The following MARCHF3 variants were observed in gnomAD, a reference collection of about 807,000 sequenced individuals.
MARCHF3 encodes the protein membrane associated ring-CH-type finger 3, also known as E3 ubiquitin-protein ligase MARCHF3.
Under a neutral mutation model 24.2 loss-of-function variants are expected in MARCHF3, and 13 were observed. The ratio of observed to expected loss-of-function variants is 0.54; its 90% CI spans 0.35 to 0.85. The LOEUF is 0.85. Ranked by LOEUF, MARCHF3 falls within the 40% of genes least tolerant of loss-of-function variation. The probability of loss-of-function intolerance (pLI) is 0.01; values close to 1 mark genes in which losing one functional copy is unlikely to be tolerated. For missense variants in MARCHF3, 276 were observed against 325.0 expected, an observed-to-expected ratio of 0.85 and a Z score of 1.16; for synonymous variants, 144 against 137.3, an observed-to-expected ratio of 1.05 and a Z score of -0.34.
intron 1 of MARCHF3, among the ~76,000 whole-genome samples, chr5:126,991,275 A>C (rs990125745): frequency 2.0e-5 from 3 of 152,186 alleles, no homozygotes; most frequent in Non-Finnish European, 4.4e-5. Context: ...GGAAACCATC[A>C]TTCTCAGCAA....
At chr5:126,944,248 T>C (rs1320539190) in intron 1 of MARCHF3, among the ~76,000 whole-genome samples, 1 of 152,188 alleles carries the variant, frequency 6.6e-6, no homozygotes, top group Non-Finnish European at 1.5e-5. Context: ...GTCTGTACAG[T>C]ATTCACACTT....
At chr5:127,029,855 G>C (rs994262338) in intron 1 of MARCHF3, 1 of 152,260 alleles carries the variant, frequency 6.6e-6, no homozygotes, top group Non-Finnish European at 1.5e-5. Context: ...CCTCTCAGTA[G>C]CTGCAGAGCA....
intron 3 of MARCHF3, among the ~76,000 whole-genome samples, chr5:126,886,404 G>A (rs1298869112): frequency 6.6e-6 from 1 of 152,120 alleles, no homozygotes; most frequent in East Asian, 1.9e-4. Context: ...CGGAGGCAGG[G>A]GACAGGACAC....
intron 1 of MARCHF3, among the ~76,000 whole-genome samples, chr5:127,025,526 C>A (rs1752965576): frequency 6.6e-6 from 1 of 152,132 alleles, no homozygotes; most frequent in Admixed American, 6.5e-5. Flanking sequence ...CCACCCCACC[C>A]CTGACCCTTC....
intron 1 of MARCHF3, among the ~76,000 whole-genome samples, chr5:127,011,607 T>C (rs1752476175): frequency 6.6e-6 from 1 of 152,200 alleles, no homozygotes; most frequent in African/African-American, 2.4e-5. Context: ...ATCTTCCTCA[T>C]GTTGCCTGGA....
In MARCHF3 at chr5:126,878,212, G is replaced by T; in HGVS notation, c.576C>A (p.Leu192=). 6.2e-7 allele frequency: 1 copy of T among 1,614,248 alleles called. No homozygotes were observed. Among genetic ancestry groups the T allele is most frequent in the South Asian group, 1.1e-5 (1 of 91,088 alleles). The part of the protein sequence containing the change: ...AVGLIALTVA[L]FTIYLFWTLV... ...GTGTCCAAAAGAGGTAAATAGTGAA[G>T]AGTGCGACAGTGAGTGCAATCAGTC... The change falls in exon 4 of 5, where the codon CTC becomes CTA. Residue 192 remains leucine (L), a synonymous_variant. Transcript: ENST00000308660.
At chr5:126,994,065 C>T (rs565391021) in intron 1 of MARCHF3, among the ~76,000 whole-genome samples, 5 of 152,254 alleles carry the variant, frequency 3.3e-5, no homozygotes, top group East Asian at 1.9e-4. Context: ...AAATGGTATA[C>T]GCATGCTTAT....
chr5:127,003,270 G>C (rs1374504098), intron 1 of MARCHF3, among the ~76,000 whole-genome samples: 1 of 151,750 alleles, frequency 6.6e-6, no homozygotes, highest in Non-Finnish European at 1.5e-5. Context: ...ACGAGGTCAG[G>C]AGATCAAGAC....
chr5:126,868,393 C>T lies in MARCHF3; in HGVS notation c.*2240G>A, dbSNP rs972593115. On this transcript the variant is annotated 3_prime_UTR_variant, in exon 5 of 5. Transcript: ENST00000308660. ...GTCCTTTCACCACCCCACACACAATCTACTCCTTGCATCTTGGACTCTGTT... is the reference window on the plus strand; with the variant it reads ...GTCCTTTCACCACCCCACACACAATTTACTCCTTGCATCTTGGACTCTGTT... 1 of 152,256 alleles carries T rather than the reference C, an allele frequency of 6.6e-6. No individual in the cohort carries two copies. Among genetic ancestry groups the T allele is most frequent in the Non-Finnish European group, 1.5e-5 (1 of 68,068 alleles). The allele number at this position is 152,256 out of a possible 1,614,324, so 9.4% of individuals were successfully genotyped here.
chr5:127,011,483 T>C (rs1481039425), intron 1 of MARCHF3, among the ~76,000 whole-genome samples: 1 of 152,220 alleles, frequency 6.6e-6, no homozygotes, highest in East Asian at 1.9e-4. Context: ...CATTTGGGTA[T>C]GCAGCAGAGC....
chr5:126,980,391 A>C (rs1366939404), intron 1 of MARCHF3, among the ~76,000 whole-genome samples: 2 of 145,898 alleles, frequency 1.4e-5, no homozygotes, highest in African/African-American at 5.1e-5. Flanking sequence ...TTTTTTTTTG[A>C]GATGGAGTCT....
At chr5:126,926,118 CT>C (rs1749288305) in intron 1 of MARCHF3, among the ~76,000 whole-genome samples, 1 of 152,216 alleles carries the variant, frequency 6.6e-6, no homozygotes, top group African/African-American at 2.4e-5. Context: ...TTGTACCTCA[CT>C]TTCCTCTGCA....
At chr5:126,874,404 T>A (rs1004364653) in intron 4 of MARCHF3, among the ~76,000 whole-genome samples, 4 of 152,164 alleles carry the variant, frequency 2.6e-5, no homozygotes, top group African/African-American at 9.6e-5. Flanking sequence ...CTGACCAACA[T>A]GGAGAAACCC....
At chr5:126,942,370 C>T (rs1425266655) in intron 1 of MARCHF3, among the ~76,000 whole-genome samples, 3 of 151,760 alleles carry the variant, frequency 2.0e-5, no homozygotes, top group African/African-American at 7.3e-5. Flanking sequence ...ACAAGTATGG[C>T]TATATTTTAA....
At chr5:126,875,536 G>A (rs1049888827) in intron 4 of MARCHF3, among the ~76,000 whole-genome samples, 2 of 152,240 alleles carry the variant, frequency 1.3e-5, no homozygotes, top group African/African-American at 4.8e-5. Context: ...TTCTGCCGCA[G>A]GGCAGTTTCC....
At chr5:126,928,209 A>G (rs908295370) in intron 1 of MARCHF3, among the ~76,000 whole-genome samples, 26 of 152,204 alleles carry the variant, frequency 1.7e-4, no homozygotes, top group Admixed American at 1.6e-3. Flanking sequence ...AATGTTCCTG[A>G]GGACGGTGTT....
chr5:126,917,453 ATT>A (rs1182799027), intron 2 of MARCHF3, among the ~76,000 whole-genome samples: 1 of 152,182 alleles, frequency 6.6e-6, no homozygotes, highest in Non-Finnish European at 1.5e-5. Context: ...ATGGGGGACC[ATT>A]GAGGCTGAAG....
chr5:126,995,538 T>C (rs1751924103), intron 1 of MARCHF3, among the ~76,000 whole-genome samples: 2 of 152,218 alleles, frequency 1.3e-5, no homozygotes, highest in East Asian at 3.8e-4. Flanking sequence ...CTGAACATAA[T>C]ACAGAAAAAA....
chr5:126,907,113 T>A (rs1408739337), intron 3 of MARCHF3, among the ~76,000 whole-genome samples: 1 of 151,742 alleles, frequency 6.6e-6, no homozygotes, highest in African/African-American at 2.4e-5. Context: ...TCAGTTTCCA[T>A]GTAGTTGAGC....
Sources: allele counts gnomAD v4.1 joint callset (sites outside exome capture counted in the v4.1 genomes callset), GRCh38; gene constraint gnomAD v4.1.1; transcripts MANE v1.5; gene names NCBI Gene and HGNC (gene_info 2026-07-23, HGNC 2026-07-21).